Variants in PARP8 observed in about 807,000 individuals in gnomAD.
PARP8 encodes poly(ADP-ribose) polymerase family member 8, also known as protein mono-ADP-ribosyltransferase PARP8.
In PARP8, 51 loss-of-function variants were observed where a neutral mutation model predicts 124.1. The ratio of observed to expected loss-of-function variants is 0.41; its 90% CI spans 0.33 to 0.52. The LOEUF (loss-of-function observed/expected upper bound fraction) is 0.52. PARP8 is among the 20% of genes least tolerant of loss of function. PARP8 has a pLI of 0.21. For missense variants in PARP8, 860 were observed against 1,018.9 expected (o/e 0.84, Z 2.12); for synonymous variants, 391 against 361.5 (o/e 1.08, Z -0.93).
rs559167850 is a variant in PARP8 at position 50,816,483 on chromosome 5, A to C, written c.1668+959A>C. On this transcript the variant is annotated intron_variant, in intron 15 of 25. Transcript: ENST00000281631. ...TGAAGGCACAACAGTTTAATAATAC[A>C]GATGGTAGCCTAGAGCTTAGGAATG... Among the ~76,000 whole-genome samples the C allele has an allele frequency of 1.4e-4, 22 of 152,318 alleles. 1 individual carries two copies. Among genetic ancestry groups the C allele is most frequent in the Admixed American group, 6.5e-4 (10 of 15,294 alleles).
chr5:50,707,400 T>C (rs188131779), intron 2 of PARP8, among the ~76,000 whole-genome samples: 1 of 152,154 alleles, frequency 6.6e-6, no homozygotes, highest in East Asian at 1.9e-4. Context: ...TTTTTATTTT[T>C]TGTACTCATT....
chr5:50,767,047 A>G (rs1761124392), intron 7 of PARP8, among the ~76,000 whole-genome samples: 1 of 152,108 alleles, frequency 6.6e-6, no homozygotes, highest in African/African-American at 2.4e-5. Context: ...GCATGGATAT[A>G]TCACTAATTT....
chr5:50,672,571 A>G (rs138285277), intron 2 of PARP8, among the ~76,000 whole-genome samples: 6 of 152,290 alleles, frequency 3.9e-5, no homozygotes, highest in Admixed American at 6.5e-5. Flanking sequence ...CACATGTGCA[A>G]ATACTTTTAG....
chr5:50,829,134 C>T (rs1746667560), intron 21 of PARP8, among the ~76,000 whole-genome samples: 1 of 152,148 alleles, frequency 6.6e-6, no homozygotes, highest in African/African-American at 2.4e-5. Flanking sequence ...ACCTGCTTTT[C>T]CGCCTCCAGG....
chr5:50,761,576 A>C (rs112821691), intron 5 of PARP8, among the ~76,000 whole-genome samples: 4 of 152,160 alleles, frequency 2.6e-5, no homozygotes, highest in African/African-American at 9.6e-5. Context: ...TATACATCAA[A>C]TATTGAATTG....
chr5:50,719,330 A>T (rs1755643237), intron 2 of PARP8, among the ~76,000 whole-genome samples: 1 of 151,990 alleles, frequency 6.6e-6, no homozygotes, highest in African/African-American at 2.4e-5. Context: ...TTGTAGCTTG[A>T]TATAATCCCA....
At chr5:50,676,041 A>G (rs1750596306) in intron 2 of PARP8, among the ~76,000 whole-genome samples, 1 of 152,262 alleles carries the variant, frequency 6.6e-6, no homozygotes, top group South Asian at 2.1e-4. Flanking sequence ...TGCTTAAACA[A>G]TATAAAACAG....
At chr5:50,767,308 G>T (rs1365533520) in intron 7 of PARP8, among the ~76,000 whole-genome samples, 1 of 152,148 alleles carries the variant, frequency 6.6e-6, no homozygotes, top group African/African-American at 2.4e-5. Flanking sequence ...ATCTTGGATT[G>T]AATATTTTGT....
intron 2 of PARP8, among the ~76,000 whole-genome samples, chr5:50,691,310 C>T (rs1224871402): frequency 6.6e-6 from 1 of 152,162 alleles, no homozygotes; most frequent in Non-Finnish European, 1.5e-5. Flanking sequence ...TTCTCTTCAG[C>T]CTTACAGCAG....
chr5:50,811,002 G>C (rs1472012402), intron 14 of PARP8, among the ~76,000 whole-genome samples: 1 of 151,762 alleles, frequency 6.6e-6, no homozygotes, highest in African/African-American at 2.4e-5. Context: ...AAAGTGTTTT[G>C]GTTTTTGTTT....
intron 2 of PARP8, among the ~76,000 whole-genome samples, chr5:50,720,717 G>A (rs980726230): frequency 5.0e-5 from 6 of 120,452 alleles, no homozygotes; most frequent in South Asian, 5.8e-4. Context: ...AATAAATATC[G>A]GGGTCAACTA....
intron 14 of PARP8, among the ~76,000 whole-genome samples, chr5:50,802,627 A>T (rs1240865069): frequency 6.6e-6 from 1 of 152,208 alleles, no homozygotes; most frequent in Non-Finnish European, 1.5e-5. Context: ...TTAATAATAT[A>T]TAAAAACTTT....
chr5:50,800,660 T>G (rs1452756969), intron 14 of PARP8, among the ~76,000 whole-genome samples: 4 of 152,148 alleles, frequency 2.6e-5, no homozygotes, highest in African/African-American at 9.7e-5. Flanking sequence ...TCTCTTGATA[T>G]TACTATGTTT....
intron 9 of PARP8, among the ~76,000 whole-genome samples, chr5:50,780,314 C>T (rs1210294586): frequency 6.6e-6 from 1 of 152,072 alleles, no homozygotes; most frequent in South Asian, 2.1e-4. Context: ...TTGAAATATA[C>T]TAATTTGATT....
intron 14 of PARP8, among the ~76,000 whole-genome samples, chr5:50,809,018 A>T (rs1292513155): frequency 6.9e-6 from 1 of 144,718 alleles, no homozygotes; most frequent in Non-Finnish European, 1.5e-5. Flanking sequence ...GTTCAAAAAC[A>T]TGGTTTAAAA....
rs1247675760 is a variant in PARP8, at chr5:50,821,422, CTCTT to C, written c.1794+88_1794+91del. On this transcript the variant is annotated intron_variant, in intron 16 of 25. Coordinates refer to ENST00000281631, the MANE Select transcript of PARP8 (RefSeq NM_024615.4). ...TGAGATTGTAGTCTCATTAGGTTTCCTCTTTCTATCTAAATCTCTATCTCATCAA... is the reference window on the plus strand; with the variant it reads ...TGAGATTGTAGTCTCATTAGGTTTCCTCTATCTAAATCTCTATCTCATCAA... 19 of 1,419,422 alleles carry C rather than the reference CTCTT, an allele frequency of 1.3e-5. No individual in the cohort carries two copies. In the East Asian group the frequency reaches 2.3e-4, roughly 17 times the overall value. The allele number at this position is 1,419,422 out of a possible 1,614,324, so 87.9% of individuals were successfully genotyped here.
Position 50,729,239 on chromosome 5 carries a change from G to A in PARP8, c.147-20912G>A, listed in dbSNP as rs1756737136. Among the ~76,000 whole-genome samples the A allele has an allele frequency of 5.3e-5, 8 of 152,268 alleles. No homozygotes were observed. The South Asian group carries it at 1.7e-3, about 32-fold the overall frequency. On this transcript the variant is annotated intron_variant, in intron 2 of 25. Coordinates refer to ENST00000281631, the MANE Select transcript of PARP8 (RefSeq NM_024615.4). Reference sequence around the variant, plus strand: ...CTGGATAACTAATCAATTTGCAAAAGTAATGCCAAATGGAGTGAGATATGC... The same window carrying A: ...CTGGATAACTAATCAATTTGCAAAAATAATGCCAAATGGAGTGAGATATGC...
chr5:50,829,389 G>T (rs188892353), intron 21 of PARP8, among the ~76,000 whole-genome samples: 1 of 152,162 alleles, frequency 6.6e-6, no homozygotes, highest in East Asian at 1.9e-4. Flanking sequence ...TAGTGTGTGA[G>T]GGCCCAGAAC....
rs145806130 is a variant in PARP8 at position 50,809,460 on chromosome 5, A to G, written c.1576-5972A>G. On this transcript the variant is annotated intron_variant, in intron 14 of 25. Transcript: ENST00000281631. The stretch of plus-strand genomic sequence containing the variant: ...AAAATGCTACTTCATAATATGCTTC[A>G]AAGAAAACTATTTTTTATTAAATAC... Among the ~76,000 whole-genome samples, 298 of 152,212 alleles carry G rather than the reference A, an allele frequency of 2.0e-3. 3 individuals carry two copies. Among genetic ancestry groups the G allele is most frequent in the African/African-American group, 6.8e-3 (282 of 41,560 alleles).
Sources: allele counts gnomAD v4.1 joint callset (sites outside exome capture counted in the v4.1 genomes callset), GRCh38; gene constraint gnomAD v4.1.1; transcripts MANE v1.5; gene names NCBI Gene and HGNC (gene_info 2026-07-23, HGNC 2026-07-21).